The following UNC13A variants were observed in gnomAD, a reference collection of about 807,000 sequenced individuals.
UNC13A encodes protein unc-13 homolog A.
In UNC13A, 61 loss-of-function variants were observed where a neutral mutation model predicts 219.7. The observed-to-expected ratio is 0.28, with a 90% CI of 0.23 to 0.34. The LOEUF (loss-of-function observed/expected upper bound fraction) is 0.34. Ranked by LOEUF, UNC13A falls within the 10% of genes least tolerant of loss-of-function variation. The pLI is 1.00. For missense variants in UNC13A, 1,476 were observed against 2,270.3 expected, an observed-to-expected ratio of 0.65 and a Z score of 7.11; for synonymous variants, 920 against 884.6, an observed-to-expected ratio of 1.04 and a Z score of -0.71.
At chr19:17,675,588 G>A (rs141614537) in intron 2 of UNC13A, among the ~76,000 whole-genome samples, 2,052 of 146,362 alleles carry the variant, frequency 0.014, 21 homozygotes, top group Non-Finnish European at 0.022. Flanking sequence ...CCGAGATCAC[G>A]CCACTGCACT....
At chr19:17,650,933 ATTTTTTT>A (rs34451347) in intron 12 of UNC13A, among the ~76,000 whole-genome samples, 2 of 128,272 alleles carry the variant, frequency 1.6e-5, no homozygotes, top group African/African-American at 5.9e-5. Context: ...CACCCAGCAA[ATTTTTTT>A]TTTTTTTTTT....
chr19:17,678,335 C>T (rs930453882), intron 1 of UNC13A, among the ~76,000 whole-genome samples: 3 of 152,052 alleles, frequency 2.0e-5, no homozygotes, highest in South Asian at 2.1e-4. Context: ...AAAAATTAGC[C>T]GGGTGTGGTG....
intron 1 of UNC13A, among the ~76,000 whole-genome samples, chr19:17,682,342 G>C (rs2080035089): frequency 6.6e-6 from 1 of 152,170 alleles, no homozygotes; most frequent in Non-Finnish European, 1.5e-5. Context: ...AGCCTCATTA[G>C]AGAGTTCTGG....
chr19:17,607,460 CGGGGGGGG>C (rs113739921), intron 43 of UNC13A, among the ~76,000 whole-genome samples: 2 of 40,082 alleles, frequency 5.0e-5, no homozygotes, highest in Non-Finnish European at 9.1e-5. Context: ...ATGGGGGTGG[CGGGGGGGG>C]GGGTCTCACC....
intron 9 of UNC13A, among the ~76,000 whole-genome samples, chr19:17,656,903 C>G (rs1282396521): frequency 6.6e-6 from 1 of 150,542 alleles, no homozygotes; most frequent in Non-Finnish European, 1.5e-5. Flanking sequence ...CATTTGCGGT[C>G]TGTGGGGAAC....
Position 17,630,722 on chromosome 19 carries a change from G to A in UNC13A, c.3457C>T (p.Leu1153=). The A allele has an allele frequency of 1.9e-6, 3 of 1,613,830 alleles. No individual in the cohort carries two copies. Among genetic ancestry groups the A allele is most frequent in the Non-Finnish European group, 2.5e-6 (3 of 1,179,856 alleles). The part of the protein sequence containing the change: ...AWFEPFVIQW[L]DENEEVSRDF... Reference sequence around the variant, plus strand: ...CGGGACACCTCCTCATTCTCATCCAGCCACTGGATGACGAAGGGTTCAAAC... The same window carrying A: ...CGGGACACCTCCTCATTCTCATCCAACCACTGGATGACGAAGGGTTCAAAC... The change falls in exon 29 of 44, where the codon CTG becomes TTG. Residue 1153 remains leucine (L), a synonymous_variant. Transcript: ENST00000519716.
rs2080155494 is a variant in UNC13A at position 17,688,344 on chromosome 19, G to C, written c.-145C>G. The C allele has an allele frequency of 1.0e-5, 13 of 1,294,256 alleles. No homozygotes were observed. In the South Asian group the frequency reaches 3.0e-4, roughly 30 times the overall value. The allele number at this position is 1,294,256 out of a possible 1,614,324, so 80.2% of individuals were successfully genotyped here. On this transcript the variant is annotated 5_prime_UTR_variant, in exon 1 of 44. Transcript: ENST00000519716. Reference sequence around the variant, plus strand: ...GGCCGCCACCGGCCATCTTGGTTCAGCACCGGGGGCGCGGACAGCGCCTGA... The same window carrying C: ...GGCCGCCACCGGCCATCTTGGTTCACCACCGGGGGCGCGGACAGCGCCTGA...
At chr19:17,614,738 C>G (rs1208002509) in intron 41 of UNC13A, among the ~76,000 whole-genome samples, 1 of 152,122 alleles carries the variant, frequency 6.6e-6, no homozygotes, top group Admixed American at 6.5e-5. Flanking sequence ...TGGCCCCGGT[C>G]TTTGCTGCAC....
intron 29 of UNC13A, 133 bp downstream of exon 29, chr19:17,630,521 G>A: frequency 8.3e-7 from 1 of 1,199,684 alleles, no homozygotes. Flanking sequence ...ATGAACAAAA[G>A]ATTTTAAAAA....
At position 17,603,449 on chromosome 19, in the gene UNC13A, C is replaced by T. The variant is rs1032224544; in HGVS notation, c.*2605G>A. On this transcript the variant is annotated 3_prime_UTR_variant, in exon 44 of 44. Transcript: ENST00000519716. ...CCCTACCCTCAGCCATGTCATGGTT[C>T]GAAATTCACATCTGCTCCTCAGTCC... The T allele has an allele frequency of 2.6e-5, 4 of 152,302 alleles. No homozygotes were observed. Among genetic ancestry groups the T allele is most frequent in the East Asian group, 1.9e-4 (1 of 5,194 alleles). 9.4% of individuals were successfully genotyped at this position (152,302 alleles called of 1,614,324 possible).
chr19:17,635,360 A>G (rs2076902947), intron 26 of UNC13A, among the ~76,000 whole-genome samples: 1 of 152,134 alleles, frequency 6.6e-6, no homozygotes, highest in African/African-American at 2.4e-5. Flanking sequence ...CAAATCCCTG[A>G]TCTTAATTCC....
intron 43 of UNC13A, among the ~76,000 whole-genome samples, chr19:17,609,513 C>G (rs2076579174): frequency 6.6e-6 from 1 of 152,058 alleles, no homozygotes; most frequent in Non-Finnish European, 1.5e-5. Context: ...CCAGTAGTCC[C>G]CACCCCCATG....
chr19:17,626,714 T>C lies in UNC13A; in HGVS notation c.3992A>G (p.Asn1331Ser), dbSNP rs1459139798. The C allele has an allele frequency of 1.2e-6, 2 of 1,608,620 alleles. No individual in the cohort carries two copies. The highest frequency in any genetic ancestry group is 1.7e-6 in the Non-Finnish European group (2 of 1,177,784). The change falls in exon 34 of 44, where the codon AAT becomes AGT. Residue 1331 changes from asparagine to serine, a missense_variant. By Grantham distance (46) the Asn-to-Ser change is conservative (BLOSUM62 1). Transcript: ENST00000519716. ...GCTGCTGCAGGCACTGGCTGGCACATTGCCTGTGCCCTTAACCTGGCTAAG... is the reference window on the plus strand; with the variant it reads ...GCTGCTGCAGGCACTGGCTGGCACACTGCCTGTGCCCTTAACCTGGCTAAG... ...DILSQVKGTG[N>S]VPASACSSVA...
chr19:17,682,805 G>A (rs562812517), intron 1 of UNC13A, among the ~76,000 whole-genome samples: 2 of 152,328 alleles, frequency 1.3e-5, no homozygotes, highest in African/African-American at 4.8e-5. Flanking sequence ...GCTCATGCCT[G>A]TAATCCCAGC....
intron 10 of UNC13A, 53 bp downstream of exon 10, chr19:17,655,830 T>C: frequency 2.0e-6 from 3 of 1,465,894 alleles, no homozygotes; most frequent in Non-Finnish European, 2.7e-6. Flanking sequence ...ATAGCCCTGC[T>C]GACCCTGTGA....
At chr19:17,623,595 T>C (rs780376118) in intron 35 of UNC13A, 48 bp from the exon 36 acceptor site, 2 of 993,262 alleles carry the variant, frequency 2.0e-6, no homozygotes, top group Admixed American at 2.9e-5. Flanking sequence ...GGGAATAAGG[T>C]ACCATGAGTC....
At chr19:17,663,467 T>C (rs1195316348) in intron 8 of UNC13A, 65 bp downstream of exon 8, 1 of 1,579,068 alleles carries the variant, frequency 6.3e-7, no homozygotes, top group African/African-American at 1.3e-5. Context: ...GGAGGGGCCT[T>C]GGGATCACCA....
intron 16 of UNC13A, 132 bp from the exon 17 acceptor site, chr19:17,647,624 G>A (rs533229648): frequency 2.5e-6 from 2 of 808,336 alleles, no homozygotes; most frequent in South Asian, 3.4e-5. Context: ...TTTCCTACCT[G>A]CTTTCTGTAC....
At chr19:17,680,946 C>A (rs1168665182) in intron 1 of UNC13A, among the ~76,000 whole-genome samples, 3 of 119,144 alleles carry the variant, frequency 2.5e-5, no homozygotes, top group African/African-American at 3.3e-5. Flanking sequence ...AGGCTCCAGG[C>A]TGGAGGGCAG....
Sources: allele counts gnomAD v4.1 joint callset (sites outside exome capture counted in the v4.1 genomes callset), GRCh38; gene constraint gnomAD v4.1.1; transcripts MANE v1.5; gene names NCBI Gene and HGNC (gene_info 2026-07-23, HGNC 2026-07-21).